Variants in TSPEAR observed in about 807,000 individuals in gnomAD.
The protein encoded by TSPEAR is thrombospondin type laminin G domain and EAR repeats.
Under a neutral mutation model 71.6 loss-of-function variants are expected in TSPEAR, and 69 were observed. That is an observed-to-expected ratio of 0.96 (90% CI 0.79 to 1.18). The LOEUF (loss-of-function observed/expected upper bound fraction) is 1.18. Among genes scored for constraint, TSPEAR ranks in the 50% most tolerant of loss-of-function variants. The pLI is 0.00. For synonymous variants in TSPEAR, 402 were observed against 387.2 expected (o/e 1.04, Z -0.45); for missense variants, 971 against 894.9 (o/e 1.09, Z -1.09).
intron 1 of TSPEAR, among the ~76,000 whole-genome samples, chr21:44,675,181 A>G (rs1386428625): frequency 1.3e-5 from 2 of 152,228 alleles, no homozygotes; most frequent in African/African-American, 4.8e-5. Flanking sequence ...CCTCAACAAA[A>G]TACTAGCAAA....
At chr21:44,507,466 G>A (rs890283996) in intron 10 of TSPEAR, among the ~76,000 whole-genome samples, 2 of 152,116 alleles carry the variant, frequency 1.3e-5, no homozygotes, top group African/African-American at 4.8e-5. Flanking sequence ...GGGTAGAAGG[G>A]CTAGGAGTTT....
chr21:44,661,887 G>A lies in TSPEAR; in HGVS notation c.82+49546C>T, dbSNP rs1350907845. ...AACCATTCATGAGAAATCCACCCCC[G>A]TGATCCAATCACCTCCCACCAGGCC... On this transcript the variant is annotated intron_variant, in intron 1 of 11. Coordinates refer to ENST00000323084, the MANE Select transcript of TSPEAR (RefSeq NM_144991.3). Among the ~76,000 whole-genome samples the A allele has an allele frequency of 4.6e-5, 7 of 152,228 alleles. No homozygotes were observed. The East Asian group carries it at 7.7e-4, about 17-fold the overall frequency.
intron 2 of TSPEAR, among the ~76,000 whole-genome samples, chr21:44,547,681 G>A (rs782008525): frequency 2.0e-5 from 3 of 152,200 alleles, no homozygotes; most frequent in Admixed American, 2.0e-4. Context: ...TCAAAAAATT[G>A]TTTTTCTTCA....
chr21:44,633,036 C>A (rs1347686269), intron 1 of TSPEAR, among the ~76,000 whole-genome samples: 1 of 151,172 alleles, frequency 6.6e-6, no homozygotes, highest in Non-Finnish European at 1.5e-5. Flanking sequence ...CATATATTCT[C>A]TTATAGTCTT....
intron 1 of TSPEAR, among the ~76,000 whole-genome samples, chr21:44,636,060 A>G (rs2146215899): frequency 6.6e-6 from 1 of 152,276 alleles, no homozygotes; most frequent in East Asian, 1.9e-4. Flanking sequence ...TTTAGTGGTA[A>G]GGACTTCAAA....
intron 1 of TSPEAR, among the ~76,000 whole-genome samples, chr21:44,603,666 G>A (rs1981129078): frequency 6.6e-6 from 1 of 152,206 alleles, no homozygotes; most frequent in African/African-American, 2.4e-5. Context: ...GGGCGTGCCA[G>A]GGTGGCTGAG....
intron 1 of TSPEAR, among the ~76,000 whole-genome samples, chr21:44,685,323 G>T (rs556213500): frequency 6.6e-6 from 1 of 152,092 alleles, no homozygotes; most frequent in Non-Finnish European, 1.5e-5. Context: ...AATCCATCGA[G>T]AGAACAGAGC....
At chr21:44,704,621 G>A (rs930795328) in intron 1 of TSPEAR, among the ~76,000 whole-genome samples, 5 of 152,170 alleles carry the variant, frequency 3.3e-5, no homozygotes, top group East Asian at 1.9e-4. Context: ...GTCTTTCCAC[G>A]AAGGCTTGGA....
At chr21:44,708,837 T>C (rs1460173642) in intron 1 of TSPEAR, among the ~76,000 whole-genome samples, 2 of 152,190 alleles carry the variant, frequency 1.3e-5, no homozygotes, top group African/African-American at 4.8e-5. Context: ...GCCAGCTCCG[T>C]GTGGGCAGGG....
chr21:44,576,298 C>A (rs1032353360), intron 1 of TSPEAR, among the ~76,000 whole-genome samples: 10 of 146,450 alleles, frequency 6.8e-5, no homozygotes, highest in African/African-American at 2.1e-4. Flanking sequence ...CACGGATGTC[C>A]CAGGGTGGGT....
At chr21:44,643,628 A>C (rs1555938933) in intron 1 of TSPEAR, among the ~76,000 whole-genome samples, 1 of 152,248 alleles carries the variant, frequency 6.6e-6, no homozygotes, top group Admixed American at 6.5e-5. Flanking sequence ...TCAAGTTACA[A>C]AGGGTATCAT....
At position 44,619,459 on chromosome 21, in the gene TSPEAR, A is replaced by T. The variant is rs189562342; in HGVS notation, c.83-51454T>A. On this transcript the variant is annotated intron_variant, in intron 1 of 11. Coordinates refer to ENST00000323084, the MANE Select transcript of TSPEAR (RefSeq NM_144991.3). ...GAGGCATGTGCCATGCAAAGCAGCA[A>T]GAAATATAAGCTACTCATGAGGAGG... Among the ~76,000 whole-genome samples the T allele has an allele frequency of 5.2e-5, 8 of 152,386 alleles. No homozygotes were observed. In the East Asian group the frequency reaches 1.5e-3, roughly 29 times the overall value.
At chr21:44,622,427 G>C (rs116256955) in intron 1 of TSPEAR, among the ~76,000 whole-genome samples, 2,236 of 152,290 alleles carry the variant, frequency 0.015, 41 homozygotes, top group South Asian at 0.051. Flanking sequence ...CACCAAAAAA[G>C]TGACTTATAA....
intron 1 of TSPEAR, among the ~76,000 whole-genome samples, chr21:44,609,518 G>A (rs587703809): frequency 3.4e-4 from 52 of 152,334 alleles, no homozygotes; most frequent in Non-Finnish European, 7.3e-5. Context: ...AGTGAAGGGA[G>A]ATCCCAGGAA....
At chr21:44,574,286 T>TA (rs1555923306) in intron 1 of TSPEAR, 1 of 1,603,468 alleles carries the variant, frequency 6.2e-7, no homozygotes, top group Non-Finnish European at 8.5e-7. Flanking sequence ...GCCAGCAGTC[T>TA]AGCTGTGTGA....
rs782509337 is a variant in TSPEAR at position 44,533,741 on chromosome 21, C to A, written c.486G>T (p.Leu162=). The change falls in exon 3 of 12, where the codon CTG becomes CTT. Residue 162 remains leucine (L), a synonymous_variant. Coordinates refer to ENST00000323084, the MANE Select transcript of TSPEAR (RefSeq NM_144991.3). ...GGGAGAAGACGCCTGCGGACACAGC[C>A]AGGACCAGTGTGTGCCAGCGGCCAT... ...LVDGRWHTLV[L]AVSAGVFSLT... 1.2e-6 allele frequency: 2 copies of A among 1,612,440 alleles called. No homozygotes were observed. Among genetic ancestry groups the A allele is most frequent in the East Asian group, 2.2e-5 (1 of 44,852 alleles).
intron 1 of TSPEAR, among the ~76,000 whole-genome samples, chr21:44,603,560 G>A (rs1211130): frequency 0.79 from 120,643 of 152,140 alleles, 50,654 homozygotes; most frequent in Non-Finnish European, 0.94. Flanking sequence ...CCCACGCCCC[G>A]GGTGTGAACT....
intron 1 of TSPEAR, among the ~76,000 whole-genome samples, chr21:44,708,006 T>A (rs1360821614): frequency 2.3e-4 from 2 of 8,864 alleles, no homozygotes; most frequent in Non-Finnish European, 4.2e-4. Flanking sequence ...GCCCCGCGCG[T>A]GCACACACAC....
At chr21:44,628,081 A>G (rs373734527) in intron 1 of TSPEAR, 340 of 1,590,200 alleles carry the variant, frequency 2.1e-4, no homozygotes, top group Non-Finnish European at 2.7e-4. Context: ...AGCCGGGCTC[A>G]GGCCCCACCT....
Sources: gnomAD v4.1 joint callset for allele counts (sites outside exome capture counted in the v4.1 genomes callset) on GRCh38, gnomAD v4.1.1 for gene constraint, MANE v1.5 for transcripts, NCBI Gene and HGNC (gene_info 2026-07-23, HGNC 2026-07-21) for gene names.